Variants in ADAMTS6 observed in about 807,000 individuals in gnomAD.
The protein encoded by ADAMTS6 is A disintegrin and metalloproteinase with thrombospondin motifs 6.
Under a neutral mutation model 144.3 loss-of-function variants are expected in ADAMTS6, and 23 were observed. That is an observed-to-expected ratio of 0.16 (90% CI 0.11 to 0.23). The LOEUF (loss-of-function observed/expected upper bound fraction) is 0.23, where lower values mean the gene tolerates loss of function less well. ADAMTS6 is among the 10% of genes least tolerant of loss of function. ADAMTS6 has a pLI of 1.00. For missense variants in ADAMTS6, 999 were observed against 1,379.6 expected (o/e 0.72, Z 4.37); for synonymous variants, 444 against 457.5 (o/e 0.97, Z 0.38).
In ADAMTS6 at chr5:65,269,790, CTTT is replaced by C. The variant is rs897216515; in HGVS notation, c.1620+3547_1620+3549del. On this transcript the variant is annotated intron_variant, in intron 12 of 24. Transcript: ENST00000381055. ...ACATGTGATGGGCATAGTGTAAGTA[CTTT>C]TTTTTTTTTTTTTTTTGAGATGGAG... 3.2e-3 allele frequency among the ~76,000 whole-genome samples: 429 copies of C among 133,190 alleles called. 3 individuals carry two copies. Among genetic ancestry groups the C allele is most frequent in the African/African-American group, 0.011 (393 of 36,192 alleles). 87.4% of individuals were successfully genotyped at this position (133,190 alleles called of 152,430 possible).
chr5:65,178,739 C>T, intron 22 of ADAMTS6, among the ~76,000 whole-genome samples: 1 of 152,172 alleles, frequency 6.6e-6, no homozygotes, highest in African/African-American at 2.4e-5. Flanking sequence ...TAAAGGCCCC[C>T]CATACTGTGG....
intron 15 of ADAMTS6, among the ~76,000 whole-genome samples, chr5:65,228,027 T>C (rs13360673): frequency 0.29 from 44,619 of 151,990 alleles, 6,827 homozygotes; most frequent in Admixed American, 0.38. Context: ...AATTTTGCCA[T>C]ACTGAGCATA....
intron 12 of ADAMTS6, among the ~76,000 whole-genome samples, chr5:65,264,147 A>G (rs1173370364): frequency 4.6e-5 from 7 of 152,174 alleles, no homozygotes; most frequent in African/African-American, 1.7e-4. Flanking sequence ...CCTAGAATCT[A>G]TTTTCCAGAG....
At chr5:65,406,221 C>A (rs535470773) in intron 7 of ADAMTS6, among the ~76,000 whole-genome samples, 70 of 152,130 alleles carry the variant, frequency 4.6e-4, no homozygotes, top group African/African-American at 1.5e-3. Context: ...CCTTGTCTTG[C>A]ACCAGTTTTC....
At chr5:65,378,779 A>C (rs746825311) in intron 7 of ADAMTS6, among the ~76,000 whole-genome samples, 2 of 152,168 alleles carry the variant, frequency 1.3e-5, no homozygotes, top group Non-Finnish European at 2.9e-5. Flanking sequence ...ATTCACTGCT[A>C]TTTCATATAA....
chr5:65,286,293 T>C (rs981230652), intron 11 of ADAMTS6, among the ~76,000 whole-genome samples: 1 of 152,222 alleles, frequency 6.6e-6, no homozygotes, highest in African/African-American at 2.4e-5. Context: ...TAATAGTTTA[T>C]GGTGAACAGA....
intron 15 of ADAMTS6, among the ~76,000 whole-genome samples, chr5:65,241,227 C>CTTT (rs58991614): frequency 1.5e-4 from 18 of 116,280 alleles, no homozygotes; most frequent in South Asian, 2.7e-4. Context: ...AGTATATTTC[C>CTTT]TTTTTTTTTT....
intron 18 of ADAMTS6, among the ~76,000 whole-genome samples, chr5:65,216,800 C>T (rs1454753595): frequency 6.6e-6 from 1 of 152,014 alleles, no homozygotes; most frequent in East Asian, 1.9e-4. Flanking sequence ...CACACACACA[C>T]ACACACACAC....
At chr5:65,255,675 C>T (rs1003726116) in intron 14 of ADAMTS6, among the ~76,000 whole-genome samples, 1 of 151,024 alleles carries the variant, frequency 6.6e-6, no homozygotes, top group African/African-American at 2.4e-5. Flanking sequence ...TTTATGTTCC[C>T]CTCTCTCATA....
intron 14 of ADAMTS6, among the ~76,000 whole-genome samples, chr5:65,255,498 T>G (rs1760569364): frequency 6.6e-6 from 1 of 152,118 alleles, no homozygotes; most frequent in Non-Finnish European, 1.5e-5. Flanking sequence ...GCTGAGAGCA[T>G]GTGATGTTTG....
At chr5:65,323,981 T>A (rs1359642115) in intron 9 of ADAMTS6, among the ~76,000 whole-genome samples, 1 of 152,220 alleles carries the variant, frequency 6.6e-6, no homozygotes, top group Non-Finnish European at 1.5e-5. Flanking sequence ...TTTTTTCTTG[T>A]AAATTTGTTT....
chr5:65,263,030 T>C, intron 12 of ADAMTS6, 68 bp from the exon 13 acceptor site: 3 of 1,599,388 alleles, frequency 1.9e-6, no homozygotes, highest in Non-Finnish European at 8.5e-7. Context: ...TAGAAATACA[T>C]AAGGGTCAGG....
In ADAMTS6 at chr5:65,460,337, T is replaced by C. The variant is rs141587320; in HGVS notation, c.464A>G (p.His155Arg). The change falls in exon 4 of 25, where the codon CAT becomes CGT. Residue 155 changes from histidine (H) to arginine (R), a missense_variant and splice_region_variant. By Grantham distance (29) the His-to-Arg change is conservative. Transcript: ENST00000381055. ...KVALSNCVGL[H>R]GVIATEDEEY... ...TTCATCTTCTGTAGCAATAACACCA[T>C]GCTAAAAGAAAAATAAACAAAGAAC... 1.9e-3 allele frequency: 3,090 copies of C among 1,586,452 alleles called. 2 individuals are homozygous for C. The highest frequency in any genetic ancestry group is 2.4e-3 in the Non-Finnish European group (2,817 of 1,168,488).
chr5:65,163,173 A>T (rs76396002), intron 24 of ADAMTS6, among the ~76,000 whole-genome samples: 18,015 of 152,044 alleles, frequency 0.12, 1,505 homozygotes, highest in African/African-American at 0.23. Flanking sequence ...ACCCTCTGAA[A>T]GTGCTGAGAT....
intron 11 of ADAMTS6, among the ~76,000 whole-genome samples, chr5:65,287,438 C>CTTTATTTA (rs201239674): frequency 7.2e-5 from 11 of 151,984 alleles, no homozygotes; most frequent in African/African-American, 2.7e-4. Context: ...TCAATTAGGA[C>CTTTATTTA]TTTATTTATT....
At chr5:65,234,503 G>A (rs1758520809) in intron 15 of ADAMTS6, among the ~76,000 whole-genome samples, 1 of 151,458 alleles carries the variant, frequency 6.6e-6, no homozygotes. Flanking sequence ...ACATGAAAAG[G>A]TGTGCAAAAT....
intron 9 of ADAMTS6, among the ~76,000 whole-genome samples, chr5:65,307,896 G>A (rs1356535187): frequency 6.6e-6 from 1 of 152,100 alleles, no homozygotes; most frequent in African/African-American, 2.4e-5. Context: ...TTTAAGCAAG[G>A]ATCCCATTTG....
At chr5:65,263,148 A>G (rs1430392835) in intron 12 of ADAMTS6, among the ~76,000 whole-genome samples, 186 bp from the exon 13 acceptor site, 3 of 152,170 alleles carry the variant, frequency 2.0e-5, no homozygotes, top group Non-Finnish European at 2.9e-5. Flanking sequence ...GAATTATCTT[A>G]GCTAGACCAT....
At chr5:65,177,849 C>T (rs763638298) in intron 22 of ADAMTS6, among the ~76,000 whole-genome samples, 2 of 152,186 alleles carry the variant, frequency 1.3e-5, no homozygotes, top group African/African-American at 2.4e-5. Flanking sequence ...GGTGGTCCTC[C>T]AGTCGACCAG....
Sources: allele counts gnomAD v4.1 joint callset (sites outside exome capture counted in the v4.1 genomes callset), GRCh38; gene constraint gnomAD v4.1.1; transcripts MANE v1.5; gene names NCBI Gene and HGNC (gene_info 2026-07-23, HGNC 2026-07-21).